The following TRPM3 variants were observed in gnomAD, a reference collection of about 807,000 sequenced individuals.
TRPM3 encodes the protein long transient receptor potential channel 3.
TRPM3 carries 77 observed loss-of-function variants against 181.2 expected under a neutral mutation model. The ratio of observed to expected loss-of-function variants is 0.42; its 90% CI spans 0.35 to 0.51. The LOEUF is 0.51. Among genes scored for constraint, TRPM3 ranks in the 20% least tolerant of loss-of-function variants. The pLI is 0.01. For missense variants in TRPM3, 1,759 were observed against 2,196.7 expected (o/e 0.80, Z 3.98); for synonymous variants, 745 against 796.4 (o/e 0.94, Z 1.09).
intron 1 of TRPM3, among the ~76,000 whole-genome samples, chr9:70,892,199 A>T (rs920840323): frequency 2.0e-5 from 3 of 152,206 alleles, no homozygotes; most frequent in African/African-American, 7.2e-5. Flanking sequence ...GAAATTAATT[A>T]TTCATGGAGT....
At chr9:71,071,584 C>T (rs2062770862) in intron 1 of TRPM3, among the ~76,000 whole-genome samples, 1 of 152,208 alleles carries the variant, frequency 6.6e-6, no homozygotes, top group African/African-American at 2.4e-5. Flanking sequence ...CCACATCCCA[C>T]ATCCTTTGCT....
intron 21 of TRPM3, among the ~76,000 whole-genome samples, chr9:70,596,582 T>A (rs113137233): frequency 3.3e-5 from 5 of 151,964 alleles, no homozygotes; most frequent in African/African-American, 1.2e-4. Context: ...AAACAAAAAA[T>A]TAGCCTGGCG....
intron 1 of TRPM3, among the ~76,000 whole-genome samples, chr9:71,159,864 C>T (rs921784404): frequency 6.6e-6 from 1 of 152,100 alleles, no homozygotes; most frequent in African/African-American, 2.4e-5. Flanking sequence ...ATCACCACAG[C>T]CCTTCTAAGG....
intron 1 of TRPM3, among the ~76,000 whole-genome samples, chr9:70,930,164 T>C (rs1339503120): frequency 6.6e-6 from 1 of 152,162 alleles, no homozygotes; most frequent in Admixed American, 6.6e-5. Flanking sequence ...CAGGAGACAG[T>C]GGAAGGCAAA....
At chr9:71,187,662 T>TA (rs919993068) in intron 1 of TRPM3, among the ~76,000 whole-genome samples, 1 of 151,846 alleles carries the variant, frequency 6.6e-6, no homozygotes, top group Non-Finnish European at 1.5e-5. Context: ...CTTTATAAAA[T>TA]AAAAAAACTC....
chr9:71,410,780 C>A (rs1319600541), intron 1 of TRPM3, among the ~76,000 whole-genome samples: 3 of 152,128 alleles, frequency 2.0e-5, no homozygotes, highest in Admixed American at 6.5e-5. Context: ...CATCCTGATA[C>A]CAAAGCCTGG....
At chr9:70,753,579 CAT>C (rs1421017712) in intron 8 of TRPM3, among the ~76,000 whole-genome samples, 2 of 152,122 alleles carry the variant, frequency 1.3e-5, no homozygotes, top group South Asian at 2.1e-4. Context: ...GGTGGAAAGA[CAT>C]AGTGCAAACT....
chr9:70,806,626 G>C (rs2090749020), intron 6 of TRPM3, among the ~76,000 whole-genome samples: 1 of 151,988 alleles, frequency 6.6e-6, no homozygotes, highest in Non-Finnish European at 1.5e-5. Flanking sequence ...GGAGGCGGGG[G>C]TTGCAGTGAG....
chr9:71,030,166 T>C lies in TRPM3; in HGVS notation c.177+91012A>G, dbSNP rs567769560. Among the ~76,000 whole-genome samples, 4 of 152,368 alleles carry C rather than the reference T, an allele frequency of 2.6e-5. No homozygotes were observed. In the South Asian group the frequency reaches 8.3e-4, roughly 32 times the overall value. ...TACTTTTGCTTATATTTTGTAAAGT[T>C]TGTTTAATAAACATATGCTACTTTT... On this transcript the variant is annotated intron_variant, in intron 1 of 25. Coordinates refer to ENST00000677713, the MANE Select transcript of TRPM3 (RefSeq NM_001366145.2).
chr9:71,084,414 C>T (rs951304172), intron 1 of TRPM3, among the ~76,000 whole-genome samples: 5 of 151,994 alleles, frequency 3.3e-5, no homozygotes, highest in African/African-American at 1.2e-4. Flanking sequence ...TTTATTCTGA[C>T]TTTGGTAAAG....
chr9:70,836,066 C>T (rs985398744), intron 5 of TRPM3, among the ~76,000 whole-genome samples: 1 of 152,020 alleles, frequency 6.6e-6, no homozygotes, highest in Admixed American at 6.6e-5. Context: ...GTTGTTGGGG[C>T]TATTATTATT....
rs34495247 is a variant in TRPM3 at position 71,305,682 on chromosome 9, T to C, written c.183+140971A>G. Among the ~76,000 whole-genome samples, 458 of 152,272 alleles carry C rather than the reference T, an allele frequency of 3.0e-3. 1 individual carries two copies. Among genetic ancestry groups the C allele is most frequent in the Non-Finnish European group, 5.5e-3 (372 of 68,014 alleles). The stretch of plus-strand genomic sequence containing the variant: ...AGCACAATTCCCCAAAAGATTTTAG[T>C]CTGTAAGCAAAGATTCACAGTGGAT... On this transcript the variant is annotated intron_variant, in intron 1 of 24. Transcript: ENST00000357533.
At chr9:71,086,494 T>G (rs761625358) in intron 1 of TRPM3, among the ~76,000 whole-genome samples, 1 of 152,034 alleles carries the variant, frequency 6.6e-6, no homozygotes, top group Non-Finnish European at 1.5e-5. Flanking sequence ...ACCAACCAGC[T>G]GAAGATGTCT....
At chr9:70,839,428 C>T (rs1008218805) in intron 5 of TRPM3, among the ~76,000 whole-genome samples, 1 of 152,126 alleles carries the variant, frequency 6.6e-6, no homozygotes, top group Non-Finnish European at 1.5e-5. Context: ...GTATTTGCCT[C>T]GCTAGTGCCA....
chr9:70,921,414 G>T (rs1390823508), intron 1 of TRPM3, among the ~76,000 whole-genome samples: 2 of 152,198 alleles, frequency 1.3e-5, no homozygotes, highest in East Asian at 1.9e-4. Context: ...ACTCATCCAT[G>T]TGAGATTCAC....
intron 5 of TRPM3, among the ~76,000 whole-genome samples, chr9:70,831,985 A>ATATATTTATATATATATATATT (rs1564497543): frequency 2.3e-5 from 3 of 128,654 alleles, no homozygotes; most frequent in African/African-American, 5.8e-5. Context: ...ATATATATAT[A>ATATATTTATATATATATATATT]TATATATATA....
At chr9:70,985,981 A>G (rs551174787) in intron 1 of TRPM3, among the ~76,000 whole-genome samples, 24 of 152,336 alleles carry the variant, frequency 1.6e-4, no homozygotes, top group African/African-American at 5.8e-4. Context: ...AAACAAAGTT[A>G]ATGATAAAAT....
intron 1 of TRPM3, among the ~76,000 whole-genome samples, chr9:71,323,502 C>G (rs1027042498): frequency 6.6e-6 from 1 of 152,054 alleles, no homozygotes; most frequent in South Asian, 2.1e-4. Context: ...AAGAATTATA[C>G]TAGATATGCT....
chr9:70,858,945 T>C lies in TRPM3; in HGVS notation c.462+3963A>G, dbSNP rs953460148. ...CAGGATGGGGAAGGTCAGGGGCGGG[T>C]ATGTACCTTGCAGCATTTCAGGGTA... On this transcript the variant is annotated intron_variant, in intron 3 of 25. Coordinates refer to ENST00000677713, the MANE Select transcript of TRPM3 (RefSeq NM_001366145.2). Among the ~76,000 whole-genome samples the C allele has an allele frequency of 5.9e-5, 9 of 152,118 alleles. No individual in the cohort carries two copies. The East Asian group carries it at 1.7e-3, about 29-fold the overall frequency.
Sources: allele counts gnomAD v4.1 joint callset (sites outside exome capture counted in the v4.1 genomes callset), GRCh38; gene constraint gnomAD v4.1.1; transcripts MANE v1.5; gene names NCBI Gene and HGNC (gene_info 2026-07-23, HGNC 2026-07-21).